Variants in CNBD1 observed in about 807,000 individuals in gnomAD.
The protein encoded by CNBD1 is cyclic nucleotide binding domain containing 1.
A neutral mutation model predicts 54.4 loss-of-function variants in CNBD1; 71 were observed. The observed-to-expected ratio is 1.30, with a 90% CI of 1.08 to 1.59. The LOEUF (loss-of-function observed/expected upper bound fraction) is 1.59, where lower values mean the gene tolerates loss of function less well. CNBD1 is among the 40% of genes most tolerant of loss of function. CNBD1 has a pLI of 0.00. For synonymous variants in CNBD1, 182 were observed against 170.7 expected (o/e 1.07, Z -0.51); for missense variants, 659 against 518.0 (o/e 1.27, Z -2.64).
intron 4 of CNBD1, among the ~76,000 whole-genome samples, chr8:87,032,738 A>G (rs964216908): frequency 3.9e-5 from 6 of 152,188 alleles, no homozygotes; most frequent in African/African-American, 1.2e-4. Context: ...TTCATTGCCC[A>G]TATTGTAGAA....
chr8:87,369,765 G>A (rs113605594), intron 10 of CNBD1, among the ~76,000 whole-genome samples: 2,856 of 151,630 alleles, frequency 0.019, 91 homozygotes, highest in African/African-American at 0.063. Context: ...TAGGGTACAT[G>A]TGCACAATGT....
intron 4 of CNBD1, among the ~76,000 whole-genome samples, chr8:87,110,641 C>G (rs1282595227): frequency 6.6e-6 from 1 of 152,198 alleles, no homozygotes; most frequent in Admixed American, 6.5e-5. Context: ...CAAGGGCATC[C>G]CGAGTACATG....
chr8:87,395,573 C>A (rs1172230880), intron 2 of CNBD1, among the ~76,000 whole-genome samples: 2 of 151,630 alleles, frequency 1.3e-5, no homozygotes, highest in African/African-American at 2.4e-5. Flanking sequence ...TGGTACTAAA[C>A]CTTTGTGTTA....
chr8:87,093,960 G>A (rs1224029801), intron 4 of CNBD1, among the ~76,000 whole-genome samples: 1 of 152,116 alleles, frequency 6.6e-6, no homozygotes, highest in Non-Finnish European at 1.5e-5. Flanking sequence ...GAACACAATA[G>A]GCATGCAGTA....
At chr8:86,893,377 C>A (rs990879275) in intron 2 of CNBD1, among the ~76,000 whole-genome samples, 1 of 152,150 alleles carries the variant, frequency 6.6e-6, no homozygotes, top group African/African-American at 2.4e-5. Context: ...GGATTTTAAA[C>A]CTTTAGTGAT....
intron 2 of CNBD1, among the ~76,000 whole-genome samples, chr8:87,402,736 C>T (rs956556403): frequency 1.3e-5 from 2 of 152,020 alleles, no homozygotes; most frequent in African/African-American, 4.8e-5. Context: ...AATCCAGTGC[C>T]ATTAAAGTGT....
At chr8:87,399,335 A>T (rs975303065) in intron 2 of CNBD1, among the ~76,000 whole-genome samples, 1 of 151,964 alleles carries the variant, frequency 6.6e-6, no homozygotes, top group African/African-American at 2.4e-5. Context: ...GCACAATAGG[A>T]ATGATTTAGG....
chr8:87,050,716 A>G (rs1386300014), intron 4 of CNBD1, among the ~76,000 whole-genome samples: 1 of 152,212 alleles, frequency 6.6e-6, no homozygotes, highest in East Asian at 1.9e-4. Context: ...ATTAATAATC[A>G]CCCAATTAAT....
At chr8:87,111,407 C>A (rs1811658850) in intron 4 of CNBD1, among the ~76,000 whole-genome samples, 1 of 152,232 alleles carries the variant, frequency 6.6e-6, no homozygotes, top group Non-Finnish European at 1.5e-5. Context: ...CTGCTCAAAT[C>A]CTGTATCCTA....
chr8:86,968,172 T>G (rs1489320040), intron 4 of CNBD1, among the ~76,000 whole-genome samples: 1 of 152,188 alleles, frequency 6.6e-6, no homozygotes, highest in Non-Finnish European at 1.5e-5. Context: ...AATAGTTTAT[T>G]TTGAGGACAC....
Position 87,318,965 on chromosome 8 carries a change from A to G in CNBD1, c.1042+32294A>G, listed in dbSNP as rs933134793. On this transcript the variant is annotated intron_variant, in intron 8 of 10. Transcript: ENST00000518476. ...AGGCTCATCAGAGAAAAGAATGAGC[A>G]TAATGAAATAAACTTGGAGCAAGAA... 5.3e-5 allele frequency among the ~76,000 whole-genome samples: 8 copies of G among 152,148 alleles called. No individual in the cohort carries two copies. In the South Asian group the frequency reaches 1.0e-3, roughly 20 times the overall value.
chr8:87,051,395 T>C (rs1810309148), intron 4 of CNBD1, among the ~76,000 whole-genome samples: 1 of 152,114 alleles, frequency 6.6e-6, no homozygotes, highest in Non-Finnish European at 1.5e-5. Context: ...CCAGCTCGGC[T>C]GGGGAGACCC....
At chr8:86,958,697 C>G (rs981181149) in intron 4 of CNBD1, among the ~76,000 whole-genome samples, 1 of 152,134 alleles carries the variant, frequency 6.6e-6, no homozygotes, top group African/African-American at 2.4e-5. Context: ...CTTCCCCCAT[C>G]CCTTTATTTT....
Position 87,401,187 on chromosome 8 carries a change from A to G in CNBD1, c.214-27359A>G, listed in dbSNP as rs529288710. ...AACCAAATAAACCCAAAGCAAATAT[A>G]TTGGAAACCTATTGAGGTTTTTAAG... is the stretch of plus-strand genomic sequence containing the variant. On this transcript the variant is annotated intron_variant, in intron 2 of 7. Coordinates refer to the CNBD1 transcript ENST00000521593. Among the ~76,000 whole-genome samples the G allele has an allele frequency of 3.0e-4, 45 of 152,190 alleles. 1 individual carries two copies. Among genetic ancestry groups the G allele is most frequent in the Non-Finnish European group, 5.7e-4 (39 of 67,984 alleles).
At chr8:87,027,750 T>C (rs2130587858) in intron 4 of CNBD1, among the ~76,000 whole-genome samples, 1 of 152,320 alleles carries the variant, frequency 6.6e-6, no homozygotes, top group African/African-American at 2.4e-5. Context: ...AACAGCAATC[T>C]CCAGATTCCA....
chr8:87,331,134 G>A (rs898990771), intron 8 of CNBD1, among the ~76,000 whole-genome samples: 1 of 152,170 alleles, frequency 6.6e-6, no homozygotes, highest in Non-Finnish European at 1.5e-5. Flanking sequence ...ATGCCATTGT[G>A]GTTTGCTGCA....
chr8:87,246,121 C>T (rs1807799008), intron 6 of CNBD1, among the ~76,000 whole-genome samples: 1 of 151,900 alleles, frequency 6.6e-6, no homozygotes, highest in South Asian at 2.1e-4. Context: ...TTCTTTACTC[C>T]TTTAATTTTT....
intron 5 of CNBD1, among the ~76,000 whole-genome samples, chr8:87,207,313 A>G (rs991324592): frequency 3.9e-5 from 6 of 152,136 alleles, no homozygotes; most frequent in Admixed American, 2.6e-4. Context: ...TGATATATCT[A>G]TTATATAGAA....
intron 6 of CNBD1, among the ~76,000 whole-genome samples, chr8:87,279,930 A>G (rs1316368946): frequency 6.6e-6 from 1 of 151,582 alleles, no homozygotes; most frequent in Admixed American, 6.6e-5. Flanking sequence ...TTTGATTTGT[A>G]GGTTTTACTT....
Sources: allele counts gnomAD v4.1 joint callset (sites outside exome capture counted in the v4.1 genomes callset), GRCh38; gene constraint gnomAD v4.1.1; transcripts MANE v1.5; gene names NCBI Gene and HGNC (gene_info 2026-07-23, HGNC 2026-07-21).